PRR5L: variants seen among roughly 807,000 people sequenced by gnomAD.
PRR5L encodes the protein proline-rich protein 5-like.
PRR5L carries 21 observed loss-of-function variants against 36.4 expected under a neutral mutation model. The ratio of observed to expected loss-of-function variants is 0.58; its 90% CI spans 0.41 to 0.83. The LOEUF (loss-of-function observed/expected upper bound fraction) is 0.83, where lower values mean the gene tolerates loss of function less well. PRR5L is among the 40% of genes least tolerant of loss of function. The pLI is 0.00. For synonymous variants in PRR5L, 188 were observed against 197.0 expected, an observed-to-expected ratio of 0.95 and a Z score of 0.38; for missense variants, 381 against 473.3, an observed-to-expected ratio of 0.80 and a Z score of 1.81.
intron 6 of PRR5L, 137 bp from the exon 7 acceptor site, chr11:36,446,163 A>C (rs147956871): frequency 2.4e-5 from 22 of 926,348 alleles, no homozygotes; most frequent in Middle Eastern, 4.4e-4. Flanking sequence ...TGGCTCTTTG[A>C]AAGACACACT....
chr11:36,331,749 A>T (rs538004690), intron 1 of PRR5L, among the ~76,000 whole-genome samples: 158 of 152,356 alleles, frequency 1.0e-3, no homozygotes, highest in African/African-American at 3.7e-3. Context: ...GCTAAGCTGA[A>T]AAAAGAGATT....
chr11:36,458,066 T>A (rs1408788867), intron 8 of PRR5L, among the ~76,000 whole-genome samples: 1 of 152,232 alleles, frequency 6.6e-6, no homozygotes, highest in Non-Finnish European at 1.5e-5. Context: ...AGTACGAGCA[T>A]CCATGCTTCA....
chr11:36,457,875 C>G (rs1859097901), intron 8 of PRR5L, among the ~76,000 whole-genome samples: 1 of 152,092 alleles, frequency 6.6e-6, no homozygotes, highest in African/African-American at 2.4e-5. Flanking sequence ...CTTCTATCAG[C>G]AGTGAGAGAG....
chr11:36,372,053 A>G (rs1443791784), intron 1 of PRR5L, among the ~76,000 whole-genome samples: 1 of 152,166 alleles, frequency 6.6e-6, no homozygotes, highest in Non-Finnish European at 1.5e-5. Flanking sequence ...GAGAGATTCC[A>G]TCTCAAAAAA....
intron 4 of PRR5L, among the ~76,000 whole-genome samples, chr11:36,421,458 G>C (rs1668546910): frequency 6.6e-6 from 1 of 152,158 alleles, no homozygotes; most frequent in Non-Finnish European, 1.5e-5. Context: ...TGTGGGGCGA[G>C]AACTAGTTTT....
chr11:36,425,458 G>A (rs1414600747), intron 4 of PRR5L: 4 of 152,184 alleles, frequency 2.6e-5, no homozygotes, highest in Admixed American at 2.6e-4. Context: ...GAGTTCCAGG[G>A]TTACTTTATT....
chr11:36,434,751 G>A (rs1858570428), intron 5 of PRR5L, among the ~76,000 whole-genome samples: 1 of 152,178 alleles, frequency 6.6e-6, no homozygotes. Context: ...TGGAAGGGAA[G>A]GCACCTGTGT....
chr11:36,330,963 G>T lies in PRR5L; in HGVS notation c.-126+34525G>T, dbSNP rs536875371. 9.5e-4 allele frequency among the ~76,000 whole-genome samples: 145 copies of T among 152,068 alleles called. 1 individual carries two copies. Among genetic ancestry groups the T allele is most frequent in the African/African-American group, 3.4e-3 (140 of 41,486 alleles). On this transcript the variant is annotated intron_variant, in intron 1 of 8. Coordinates refer to ENST00000530639, the MANE Select transcript of PRR5L (RefSeq NM_001160167.2). ...TGGGATTACAGACGTCCACCACCCT[G>T]CCTGGCTAATTTTTGTATTTTTAGT...
chr11:36,462,737 G>C lies in PRR5L; in HGVS notation c.*1G>C. On this transcript the variant is annotated 3_prime_UTR_variant, in exon 9 of 9. Transcript: ENST00000530639. The stretch of plus-strand genomic sequence containing the variant: ...GCTGAACTGTGCTTCCCTCAGCTGA[G>C]TCGCCACCCCTGGGCCTTTCCATCT... The C allele has an allele frequency of 6.5e-7, 1 of 1,538,892 alleles. No individual in the cohort carries two copies.
intron 1 of PRR5L, among the ~76,000 whole-genome samples, chr11:36,300,641 A>G (rs1045580528): frequency 9.0e-6 from 1 of 111,060 alleles, no homozygotes; most frequent in Non-Finnish European, 2.3e-5. Context: ...ATATGAAGCT[A>G]TTTAAAAGAA....
At chr11:36,353,105 T>C (rs746347939) in intron 1 of PRR5L, among the ~76,000 whole-genome samples, 2 of 152,194 alleles carry the variant, frequency 1.3e-5, no homozygotes, top group Non-Finnish European at 2.9e-5. Flanking sequence ...TGTGGGTGAC[T>C]GTCACCCACA....
intron 1 of PRR5L, among the ~76,000 whole-genome samples, chr11:36,357,282 A>C (rs1857037868): frequency 6.6e-6 from 1 of 152,206 alleles, no homozygotes; most frequent in African/African-American, 2.4e-5. Flanking sequence ...TAAGGAAAGA[A>C]ACCTGTCTCC....
chr11:36,306,663 C>G (rs1215999425), intron 1 of PRR5L, among the ~76,000 whole-genome samples: 1 of 151,984 alleles, frequency 6.6e-6, no homozygotes, highest in Non-Finnish European at 1.5e-5. Context: ...GCAAAGTTGC[C>G]TTCTAATAAA....
chr11:36,453,212 T>C (rs1314780390), intron 8 of PRR5L, among the ~76,000 whole-genome samples: 1 of 152,236 alleles, frequency 6.6e-6, no homozygotes, highest in African/African-American at 2.4e-5. Context: ...TTTATACATC[T>C]ATATCCTGCC....
chr11:36,416,709 G>A (rs998382785), intron 3 of PRR5L, among the ~76,000 whole-genome samples: 1 of 152,092 alleles, frequency 6.6e-6, no homozygotes, highest in African/African-American at 2.4e-5. Context: ...CTCTTCCTGG[G>A]ACACTCTGCA....
At chr11:36,312,527 C>G (rs1201899911) in intron 1 of PRR5L, among the ~76,000 whole-genome samples, 1 of 152,312 alleles carries the variant, frequency 6.6e-6, no homozygotes, top group East Asian at 1.9e-4. Flanking sequence ...GTTGGACCAG[C>G]TGTTCATTGC....
chr11:36,412,429 G>T (rs1030405629), intron 3 of PRR5L, among the ~76,000 whole-genome samples: 2 of 152,100 alleles, frequency 1.3e-5, no homozygotes, highest in African/African-American at 2.4e-5. Flanking sequence ...ATGATTGTTT[G>T]TTCTAACAAG....
chr11:36,347,941 T>C (rs1352591970), intron 1 of PRR5L, among the ~76,000 whole-genome samples: 1 of 152,090 alleles, frequency 6.6e-6, no homozygotes, highest in Non-Finnish European at 1.5e-5. Context: ...CCTCCATTTT[T>C]CCTCTGTAAA....
chr11:36,364,366 T>C (rs1590486319), intron 1 of PRR5L, among the ~76,000 whole-genome samples: 1 of 152,168 alleles, frequency 6.6e-6, no homozygotes, highest in Non-Finnish European at 1.5e-5. Context: ...AGGGAATGAA[T>C]TTAGTAAAGA....
Sources: gnomAD v4.1 joint callset for allele counts (sites outside exome capture counted in the v4.1 genomes callset) on GRCh38, gnomAD v4.1.1 for gene constraint, MANE v1.5 for transcripts, NCBI Gene and HGNC (gene_info 2026-07-23, HGNC 2026-07-21) for gene names.